Variants in RPS6KA2 observed in about 807,000 individuals in gnomAD.
The protein encoded by RPS6KA2 is ribosomal protein S6 kinase alpha-2.
Under a neutral mutation model 91.8 loss-of-function variants are expected in RPS6KA2, and 42 were observed. That is an observed-to-expected ratio of 0.46 (90% CI 0.36 to 0.59). The LOEUF is 0.59. RPS6KA2 is among the 20% of genes least tolerant of loss of function. RPS6KA2 has a pLI of 0.00. For synonymous variants in RPS6KA2, 414 were observed against 393.6 expected, an observed-to-expected ratio of 1.05 and a Z score of -0.61; for missense variants, 798 against 978.5, an observed-to-expected ratio of 0.82 and a Z score of 2.46.
chr6:166,492,715 C>G (rs972103713), intron 8 of RPS6KA2, among the ~76,000 whole-genome samples: 1 of 132,174 alleles, frequency 7.6e-6, no homozygotes, highest in East Asian at 2.8e-4. Flanking sequence ...ATTTCTTTTT[C>G]TTTTCTTTTT....
At chr6:166,592,823 G>A (rs1785401489) in intron 1 of RPS6KA2, among the ~76,000 whole-genome samples, 1 of 152,126 alleles carries the variant, frequency 6.6e-6, no homozygotes, top group Admixed American at 6.5e-5. Flanking sequence ...TCATGCCAGC[G>A]ATCTATCCTA....
chr6:166,444,913 A>C (rs1403032869), intron 14 of RPS6KA2, among the ~76,000 whole-genome samples: 1 of 152,206 alleles, frequency 6.6e-6, no homozygotes, highest in African/African-American at 2.4e-5. Context: ...TATAGCAGGG[A>C]CTCAAGTTAA....
intron 1 of RPS6KA2, among the ~76,000 whole-genome samples, chr6:166,561,807 G>A (rs1021392575): frequency 5.3e-5 from 8 of 152,146 alleles, no homozygotes; most frequent in Non-Finnish European, 7.4e-5. Flanking sequence ...GGTTGGACAA[G>A]CCTGGTTTAC....
intron 10 of RPS6KA2, among the ~76,000 whole-genome samples, chr6:166,481,414 C>A (rs1451446535): frequency 6.6e-6 from 1 of 152,254 alleles, no homozygotes; most frequent in African/African-American, 2.4e-5. Context: ...CCAAGGTCCC[C>A]TTTGAAATTG....
rs1416883233 is a variant in RPS6KA2 at position 166,494,072 on chromosome 6, G to A, written c.748-3331C>T. On this transcript the variant is annotated intron_variant, in intron 8 of 20. Coordinates refer to ENST00000265678, the MANE Select transcript of RPS6KA2 (RefSeq NM_021135.6). The surrounding 1 kb of genome is among the most constrained non-coding windows in gnomAD (Gnocchi z 5.1). ...CACCATTCTTAAAAGGGCACCAAAA[G>A]CAAGCTAACATTTTAATCTGAAAAC... is the stretch of plus-strand genomic sequence containing the variant. Among the ~76,000 whole-genome samples, 4 of 152,168 alleles carry A rather than the reference G, an allele frequency of 2.6e-5. No homozygotes were observed. The South Asian group carries it at 8.3e-4, about 32-fold the overall frequency.
intron 2 of RPS6KA2, among the ~76,000 whole-genome samples, chr6:166,749,870 A>G (rs1160614063): frequency 2.0e-5 from 3 of 148,402 alleles, no homozygotes; most frequent in Non-Finnish European, 4.5e-5. Context: ...CCTCCTCCCA[A>G]AGCTTCCTTC....
At chr6:166,822,179 TG>T (rs1452947717) in intron 2 of RPS6KA2, among the ~76,000 whole-genome samples, 3 of 152,164 alleles carry the variant, frequency 2.0e-5, no homozygotes, top group African/African-American at 7.2e-5. Flanking sequence ...TGCTTGACAT[TG>T]GTAAGGGCTT....
In RPS6KA2 at chr6:166,429,920, G is replaced by A. The variant is rs189382933; in HGVS notation, c.1581+533C>T. On this transcript the variant is annotated intron_variant, in intron 16 of 20. Transcript: ENST00000265678. ...CAGTCTTGTTTATAGGGCCTCCACC[G>A]AAGAACTAAGATGGGCAGAGGGAAA... Among the ~76,000 whole-genome samples, 8 of 151,574 alleles carry A rather than the reference G, an allele frequency of 5.3e-5. No individual in the cohort carries two copies. The East Asian group carries it at 5.8e-4, about 11-fold the overall frequency.
rs1159188301 is a variant in RPS6KA2 at position 166,495,012 on chromosome 6, C to T, written c.747+3496G>A. On this transcript the variant is annotated intron_variant, in intron 8 of 20. Transcript: ENST00000265678. The surrounding 1 kb of genome is among the most constrained non-coding windows in gnomAD (Gnocchi z 4.4). ...CAGAAGTCACTTCTGATGCCACCCACGGACGTGTGGGAAGCGTGGGGCCTC... is the reference window on the plus strand; with the variant it reads ...CAGAAGTCACTTCTGATGCCACCCATGGACGTGTGGGAAGCGTGGGGCCTC... Among the ~76,000 whole-genome samples the T allele has an allele frequency of 2.6e-5, 4 of 152,204 alleles. No individual in the cohort carries two copies. Among genetic ancestry groups the T allele is most frequent in the East Asian group, 1.9e-4 (1 of 5,188 alleles).
chr6:166,483,702 C>A (rs1034435671), intron 10 of RPS6KA2, among the ~76,000 whole-genome samples: 10 of 152,152 alleles, frequency 6.6e-5, no homozygotes, highest in African/African-American at 2.2e-4. Flanking sequence ...CTTCCACATT[C>A]GGGAAGGGAG....
At chr6:166,710,103 T>C (rs1234877306) in intron 2 of RPS6KA2, among the ~76,000 whole-genome samples, 1 of 152,230 alleles carries the variant, frequency 6.6e-6, no homozygotes, top group African/African-American at 2.4e-5. Flanking sequence ...ACAATGTCTT[T>C]TTTCCCTATC....
chr6:166,757,578 G>A (rs762614385), intron 2 of RPS6KA2: 1 of 456,264 alleles, frequency 2.2e-6, no homozygotes, highest in South Asian at 1.5e-5. Context: ...TGATCATCAT[G>A]ATGCACTCCC....
intron 1 of RPS6KA2, among the ~76,000 whole-genome samples, chr6:166,553,760 T>C (rs1009769066): frequency 2.6e-5 from 4 of 152,272 alleles, no homozygotes; most frequent in African/African-American, 9.6e-5. Flanking sequence ...ACTTGGCTAA[T>C]TTCTGCACCC....
rs1009085203 is a variant in RPS6KA2 at position 166,425,641 on chromosome 6, G to A, written c.1582-2224C>T. ...CAAATGGAAAACAAAAAAAAGGCAG[G>A]GGTTGCAATCCTAGTCTCTGATAAA... On this transcript the variant is annotated intron_variant, in intron 16 of 20. Coordinates refer to ENST00000265678, the MANE Select transcript of RPS6KA2 (RefSeq NM_021135.6). Among the ~76,000 whole-genome samples the A allele has an allele frequency of 1.1e-3, 169 of 151,996 alleles. 2 individuals are homozygous for A. The highest frequency in any genetic ancestry group is 3.9e-3 in the African/African-American group (162 of 41,398).
intron 2 of RPS6KA2, among the ~76,000 whole-genome samples, chr6:166,718,835 G>A (rs906918836): frequency 7.9e-5 from 12 of 152,162 alleles, no homozygotes; most frequent in African/African-American, 2.7e-4. Context: ...TAAACACACC[G>A]AACAGCTCTT....
At chr6:166,583,274 T>G (rs1785074943) in intron 1 of RPS6KA2, among the ~76,000 whole-genome samples, 1 of 152,210 alleles carries the variant, frequency 6.6e-6, no homozygotes, top group South Asian at 2.1e-4. Flanking sequence ...CAGCTCACCC[T>G]AGGGTCTAGC....
Position 166,495,664 on chromosome 6 carries a change from G to A in RPS6KA2, c.747+2844C>T, listed in dbSNP as rs935020106. On this transcript the variant is annotated intron_variant, in intron 8 of 20. Transcript: ENST00000265678. This position sits in a 1 kb window ranked among gnomAD's most constrained non-coding sequence, Gnocchi z 4.4. ...GGTGCAGGCACTTTTGTCTGTGCTG[G>A]GGCATCTTGGGTAAGGTGACTGGTG... Among the ~76,000 whole-genome samples, 15 of 152,188 alleles carry A rather than the reference G, an allele frequency of 9.9e-5. No homozygotes were observed. Among genetic ancestry groups the A allele is most frequent in the African/African-American group, 3.1e-4 (13 of 41,422 alleles).
chr6:166,418,303 C>T lies in RPS6KA2; in HGVS notation c.1860G>A (p.Glu620=). 1 of 1,614,042 alleles carries T rather than the reference C, an allele frequency of 6.2e-7. No individual in the cohort carries two copies. The highest frequency in any genetic ancestry group is 8.5e-7 in the Non-Finnish European group (1 of 1,179,988). ...CACTGCCGATCCGCGCCAGAATCTCCTCAGGGGTATCGTCTGGCCCATTTG... is the reference window on the plus strand; with the variant it reads ...CACTGCCGATCCGCGCCAGAATCTCTTCAGGGGTATCGTCTGGCCCATTTG... ...PFANGPDDTP[E]EILARIGSGK... is the part of the protein sequence containing the mutation. Residue 620 remains glutamate, a synonymous_variant, in exon 19 of 21, where the codon GAG becomes GAA. Coordinates refer to ENST00000265678, the MANE Select transcript of RPS6KA2 (RefSeq NM_021135.6). The surrounding 1 kb of genome is among the most constrained non-coding windows in gnomAD (Gnocchi z 4.9).
In RPS6KA2 at chr6:166,583,514, G is replaced by A. The variant is rs144596953; in HGVS notation, c.99+43407C>T. 8.4e-4 allele frequency among the ~76,000 whole-genome samples: 128 copies of A among 152,328 alleles called. 2 individuals are homozygous for A. The East Asian group carries it at 0.02, about 24-fold the overall frequency. ...ACCTTCTCTGAGCTCTGGCCAGGCC[G>A]TGCTGAAACACTGCGGAAGTCATGT... is the stretch of plus-strand genomic sequence containing the variant. On this transcript the variant is annotated intron_variant, in intron 1 of 20. Transcript: ENST00000265678.
Sources: gnomAD v4.1 joint callset for allele counts (sites outside exome capture counted in the v4.1 genomes callset) on GRCh38, gnomAD v4.1.1 for gene constraint, Gnocchi (gnomAD v3.1) non-coding constraint, MANE v1.5 for transcripts, NCBI Gene and HGNC (gene_info 2026-07-23, HGNC 2026-07-21) for gene names.